APBB2: variants seen among roughly 807,000 people sequenced by gnomAD.
APBB2 encodes amyloid beta precursor protein binding family B member 2, also known as Fe65-like 1.
Under a neutral mutation model 82.5 loss-of-function variants are expected in APBB2, and 38 were observed. The ratio of observed to expected loss-of-function variants is 0.46; its 90% CI spans 0.36 to 0.60. The LOEUF (loss-of-function observed/expected upper bound fraction) is 0.60. APBB2 is among the 20% of genes least tolerant of loss of function. APBB2 has a pLI of 0.00. For synonymous variants in APBB2, 341 were observed against 368.2 expected (o/e 0.93, Z 0.85); for missense variants, 772 against 972.3 (o/e 0.79, Z 2.74).
chr4:41,160,546 G>T (rs1764898850), intron 1 of APBB2, among the ~76,000 whole-genome samples: 1 of 152,042 alleles, frequency 6.6e-6, no homozygotes, highest in East Asian at 1.9e-4. Context: ...TAATGCCCTG[G>T]GCTTGGCCGC....
chr4:41,112,371 A>T (rs566927962), intron 2 of APBB2, among the ~76,000 whole-genome samples: 2 of 152,208 alleles, frequency 1.3e-5, no homozygotes, highest in Non-Finnish European at 2.9e-5. Context: ...CTTGGCCACA[A>T]GTATCTGGGA....
At chr4:41,139,249 AAAG>A (rs1758435915) in intron 2 of APBB2, among the ~76,000 whole-genome samples, 1 of 152,160 alleles carries the variant, frequency 6.6e-6, no homozygotes, top group African/African-American at 2.4e-5. Flanking sequence ...TGAATAAGTT[AAAG>A]AAGAAAATCA....
intron 1 of APBB2, among the ~76,000 whole-genome samples, chr4:41,199,711 C>A (rs1221149243): frequency 1.3e-5 from 2 of 151,990 alleles, no homozygotes; most frequent in East Asian, 3.9e-4. Context: ...CAATAACTAG[C>A]CTTCAAGGAA....
At chr4:41,051,472 C>T (rs1385496615) in intron 4 of APBB2, among the ~76,000 whole-genome samples, 1 of 152,190 alleles carries the variant, frequency 6.6e-6, no homozygotes, top group African/African-American at 2.4e-5. Context: ...CACTCTCCCA[C>T]CAAATCTTCT....
At chr4:41,073,666 C>T (rs1734645908) in intron 3 of APBB2, among the ~76,000 whole-genome samples, 1 of 152,050 alleles carries the variant, frequency 6.6e-6, no homozygotes, top group South Asian at 2.1e-4. Flanking sequence ...AATTTTTTTT[C>T]TCCGTGGTAA....
chr4:41,104,591 G>A (rs924543149), intron 2 of APBB2, among the ~76,000 whole-genome samples: 1 of 152,110 alleles, frequency 6.6e-6, no homozygotes, highest in Non-Finnish European at 1.5e-5. Flanking sequence ...CGCAGGTAAT[G>A]AGCATAATAC....
At chr4:41,043,035 T>C (rs1404485765) in intron 4 of APBB2, among the ~76,000 whole-genome samples, 1 of 152,198 alleles carries the variant, frequency 6.6e-6, no homozygotes, top group African/African-American at 2.4e-5. Context: ...TTTATTTTTT[T>C]CTTTGAGGTT....
At chr4:41,195,731 C>T in intron 1 of APBB2, among the ~76,000 whole-genome samples, 1 of 150,324 alleles carries the variant, frequency 6.7e-6, no homozygotes, top group African/African-American at 2.5e-5. Context: ...ATCCTTCTGA[C>T]TCCTCTGCTC....
chr4:40,817,578 G>A (rs183541149), intron 17 of APBB2, among the ~76,000 whole-genome samples: 52 of 152,126 alleles, frequency 3.4e-4, no homozygotes, highest in Non-Finnish European at 6.5e-4. Context: ...CGTGGGTTCT[G>A]CAGGACCTGA....
Position 40,935,101 on chromosome 4 carries a change from T to C in APBB2, c.1083A>G (p.Gly361=). 1 of 1,535,544 alleles carries C rather than the reference T, an allele frequency of 6.5e-7. No individual in the cohort carries two copies. Among genetic ancestry groups the C allele is most frequent in the Non-Finnish European group, 8.7e-7 (1 of 1,145,974 alleles). The change falls in exon 8 of 18, where the codon GGA becomes GGG. Residue 361 remains glycine, a synonymous_variant. Coordinates refer to ENST00000508593, the MANE Select transcript of APBB2 (RefSeq NM_004307.2). ...CCTTCCAAATGTCACTATTAATCTTTCCCCCATTCAGAACAGCAAAATCAC... is the reference window on the plus strand; with the variant it reads ...CCTTCCAAATGTCACTATTAATCTTCCCCCCATTCAGAACAGCAAAATCAC... ...PWSDFAVLNG[G]KINSDIWKDL... is the part of the protein sequence containing the mutation.
chr4:41,074,608 AT>A (rs370714146), intron 3 of APBB2, among the ~76,000 whole-genome samples: 49,983 of 135,964 alleles, frequency 0.37, 9,621 homozygotes, highest in East Asian at 0.71. Flanking sequence ...TATTATTATT[AT>A]TTTTTTTTTT....
At chr4:41,117,295 A>ATT (rs5857777) in intron 2 of APBB2, among the ~76,000 whole-genome samples, 21 of 129,732 alleles carry the variant, frequency 1.6e-4, no homozygotes, top group Non-Finnish European at 2.4e-4. Context: ...TATTATTATT[A>ATT]TTTTTTTTTT....
intron 10 of APBB2, among the ~76,000 whole-genome samples, chr4:40,906,453 G>A (rs1388094512): frequency 1.6e-3 from 154 of 95,664 alleles, no homozygotes; most frequent in African/African-American, 6.6e-3. Context: ...GTGACAGAGT[G>A]AAACCTGTCT....
At chr4:41,118,878 G>A (rs181837753) in intron 2 of APBB2, among the ~76,000 whole-genome samples, 16 of 152,190 alleles carry the variant, frequency 1.1e-4, no homozygotes, top group Non-Finnish European at 1.9e-4. Flanking sequence ...GGTGGCTCAC[G>A]CCTGTAATTC....
chr4:41,044,732 C>T (rs984467783), intron 4 of APBB2, among the ~76,000 whole-genome samples: 8 of 152,116 alleles, frequency 5.3e-5, no homozygotes, highest in Non-Finnish European at 1.2e-4. Context: ...TACTGTTTTT[C>T]CCTTTTTTGT....
chr4:41,132,595 G>A (rs1756368534), intron 2 of APBB2, among the ~76,000 whole-genome samples: 1 of 152,152 alleles, frequency 6.6e-6, no homozygotes, highest in Non-Finnish European at 1.5e-5. Flanking sequence ...AACAAACTAA[G>A]CATAAAGGTA....
chr4:40,960,774 A>G (rs942381241), intron 6 of APBB2, among the ~76,000 whole-genome samples: 3 of 151,946 alleles, frequency 2.0e-5, no homozygotes, highest in African/African-American at 4.8e-5. Context: ...GATGTTCATC[A>G]AAGCCAGTGT....
At chr4:40,904,083 T>C (rs939784925) in intron 10 of APBB2, among the ~76,000 whole-genome samples, 43 of 151,566 alleles carry the variant, frequency 2.8e-4, no homozygotes, top group African/African-American at 1.1e-3. Flanking sequence ...CAGCAACGGG[T>C]CTGATTTCTG....
At chr4:40,886,404 C>A (rs757832172) in intron 12 of APBB2, among the ~76,000 whole-genome samples, 1 of 151,904 alleles carries the variant, frequency 6.6e-6, no homozygotes, top group Non-Finnish European at 1.5e-5. Context: ...CGCTTGAAAC[C>A]GGGGGGCAAA....
Sources: allele counts gnomAD v4.1 joint callset (sites outside exome capture counted in the v4.1 genomes callset), GRCh38; gene constraint gnomAD v4.1.1; transcripts MANE v1.5; gene names NCBI Gene and HGNC (gene_info 2026-07-23, HGNC 2026-07-21).